SPATS2: variants seen among roughly 807,000 people sequenced by gnomAD.
SPATS2 encodes the protein spermatogenesis associated serine rich 2, also known as spermatogenesis-associated serine-rich protein 2.
A neutral mutation model predicts 63.7 loss-of-function variants in SPATS2; 38 were observed. The observed-to-expected ratio is 0.60, with a 90% CI of 0.46 to 0.78. SPATS2 has a LOEUF of 0.78. Among genes scored for constraint, SPATS2 ranks in the 30% least tolerant of loss-of-function variants. The pLI, the probability that SPATS2 is intolerant of heterozygous loss-of-function variation, is 0.00. For missense variants in SPATS2, 588 were observed against 666.2 expected (o/e 0.88, Z 1.29); for synonymous variants, 207 against 232.9 (o/e 0.89, Z 1.01).
chr12:49,372,109 G>A (rs886981935), intron 2 of SPATS2, among the ~76,000 whole-genome samples: 2 of 151,898 alleles, frequency 1.3e-5, no homozygotes, highest in Non-Finnish European at 2.9e-5. Flanking sequence ...GCAGTGGCAC[G>A]ATCTCAGTTC....
At chr12:49,440,028 A>G (rs1200829866) in intron 2 of SPATS2, among the ~76,000 whole-genome samples, 3 of 152,202 alleles carry the variant, frequency 2.0e-5, no homozygotes, top group Non-Finnish European at 4.4e-5. Context: ...ACTTACTGAA[A>G]AGTTACGAGA....
chr12:49,521,970 C>T (rs978180440), intron 11 of SPATS2, among the ~76,000 whole-genome samples: 1 of 151,236 alleles, frequency 6.6e-6, no homozygotes, highest in Non-Finnish European at 1.5e-5. Flanking sequence ...CTGAGGGGTT[C>T]AGTTCTTCCA....
chr12:49,463,768 C>A (rs1945862487), intron 3 of SPATS2: 1 of 152,192 alleles, frequency 6.6e-6, no homozygotes, highest in Admixed American at 6.5e-5. Context: ...TACAGGCTCT[C>A]ATTTTGTAAT....
intron 2 of SPATS2, among the ~76,000 whole-genome samples, chr12:49,438,661 A>T (rs1047044586): frequency 2.0e-5 from 3 of 152,196 alleles, no homozygotes; most frequent in Admixed American, 6.5e-5. Context: ...CATCTTGCCG[A>T]TGAGCAATAA....
intron 2 of SPATS2, among the ~76,000 whole-genome samples, chr12:49,395,678 A>G (rs796970433): frequency 3.3e-5 from 5 of 151,204 alleles, no homozygotes; most frequent in African/African-American, 1.2e-4. Flanking sequence ...CACCCGCCTC[A>G]GCCTCCCAAA....
intron 2 of SPATS2, among the ~76,000 whole-genome samples, chr12:49,402,974 T>C (rs756294297): frequency 6.6e-6 from 1 of 152,160 alleles, no homozygotes; most frequent in South Asian, 2.1e-4. Flanking sequence ...GTTTAAGATA[T>C]AGGGGATTTA....
chr12:49,376,440 A>T (rs1044685631), intron 2 of SPATS2, among the ~76,000 whole-genome samples: 2 of 151,582 alleles, frequency 1.3e-5, no homozygotes, highest in African/African-American at 4.8e-5. Context: ...TTCGTCGCTC[A>T]AGTTGGAGTG....
chr12:49,375,188 GTGTGT>G (rs780524699), intron 2 of SPATS2, among the ~76,000 whole-genome samples: 2,159 of 94,284 alleles, frequency 0.023, 53 homozygotes, highest in African/African-American at 0.083. Flanking sequence ...GTGTGTGTGT[GTGTGT>G]GTGGTGGTAG....
intron 2 of SPATS2, among the ~76,000 whole-genome samples, chr12:49,432,734 T>C (rs1378584473): frequency 6.6e-6 from 1 of 152,214 alleles, no homozygotes; most frequent in African/African-American, 2.4e-5. Flanking sequence ...GGTTCCTCCA[T>C]GTTGTAGCAT....
At chr12:49,483,743 C>G (rs1946244530) in intron 3 of SPATS2, among the ~76,000 whole-genome samples, 1 of 152,128 alleles carries the variant, frequency 6.6e-6, no homozygotes, top group African/African-American at 2.4e-5. Context: ...AAGCTACTTC[C>G]AAGTACAGTG....
Position 49,494,840 on chromosome 12 carries a change from C to T in SPATS2, c.364C>T (p.Pro122Ser). Residue 122 changes from proline to serine, a missense_variant, in exon 7 of 14, where the codon CCT becomes TCT. Coordinates refer to ENST00000552918, the MANE Select transcript of SPATS2 (RefSeq NM_023071.4). ...TTCCATTCAAGAGGAACAGTCTGCG[C>T]CTTCCTCAGAGAAAGGTGGTATGAA... The part of the protein sequence containing the change: ...SVSIQEEQSA[P>S]SSEKGGMNGY... The T allele has an allele frequency of 1.9e-6, 3 of 1,613,818 alleles. No homozygotes were observed. Among genetic ancestry groups the T allele is most frequent in the Non-Finnish European group, 2.5e-6 (3 of 1,179,982 alleles).
At chr12:49,492,377 C>T (rs1301916212) in intron 6 of SPATS2, among the ~76,000 whole-genome samples, 4 of 147,092 alleles carry the variant, frequency 2.7e-5, no homozygotes, top group African/African-American at 5.4e-5. Context: ...CGTGCCACTG[C>T]GCCTGGCTAA....
intron 2 of SPATS2, chr12:49,441,620 A>G (rs1274200066): frequency 6.6e-6 from 1 of 152,022 alleles, no homozygotes; most frequent in African/African-American, 2.4e-5. Context: ...CATAGTTGAG[A>G]TTTTATTGGT....
At position 49,371,223 on chromosome 12, in the gene SPATS2, C is replaced by G. The variant is rs1022488675; in HGVS notation, c.-306-5C>G. The G allele has an allele frequency of 2.6e-5, 4 of 152,188 alleles. No individual in the cohort carries two copies. The highest frequency in any genetic ancestry group is 9.7e-5 in the African/African-American group (4 of 41,430). The allele number at this position is 152,188 out of a possible 1,614,324, so 9.4% of individuals were successfully genotyped here. ...ATAATTCCTTGTTTCTCTTTCTCTA[C>G]CCAGCTGCTGGCTACCAATATTCTA... On this transcript the variant is annotated splice_region_variant and splice_polypyrimidine_tract_variant and intron_variant, in intron 1 of 13. Transcript: ENST00000552918.
intron 7 of SPATS2, among the ~76,000 whole-genome samples, chr12:49,495,970 A>T (rs1211811547): frequency 6.6e-6 from 1 of 152,046 alleles, no homozygotes; most frequent in African/African-American, 2.4e-5. Flanking sequence ...TTTGTTAACC[A>T]TTTTTTTGAG....
intron 2 of SPATS2, among the ~76,000 whole-genome samples, chr12:49,415,605 C>T (rs1014952974): frequency 6.6e-6 from 1 of 152,168 alleles, no homozygotes; most frequent in African/African-American, 2.4e-5. Context: ...CTGTTTTCCA[C>T]ATTACTGCAG....
At chr12:49,510,374 C>T (rs955145589) in intron 9 of SPATS2, among the ~76,000 whole-genome samples, 3 of 151,130 alleles carry the variant, frequency 2.0e-5, no homozygotes, top group African/African-American at 7.3e-5. Context: ...CCAGCCTGGG[C>T]AACATGGTGA....
intron 2 of SPATS2, among the ~76,000 whole-genome samples, chr12:49,385,357 A>AGTGT (rs57896651): frequency 0.062 from 8,768 of 141,970 alleles, 366 homozygotes; most frequent in African/African-American, 0.12. Flanking sequence ...TAAGTATATA[A>AGTGT]GTGTGTGTGT....
At chr12:49,408,748 G>T (rs1944742399) in intron 2 of SPATS2, among the ~76,000 whole-genome samples, 2 of 151,814 alleles carry the variant, frequency 1.3e-5, no homozygotes, top group Admixed American at 6.6e-5. Context: ...TAGAGACGGG[G>T]TATCGCCATG....
Sources: allele counts gnomAD v4.1 joint callset (sites outside exome capture counted in the v4.1 genomes callset), GRCh38; gene constraint gnomAD v4.1.1; transcripts MANE v1.5; gene names NCBI Gene and HGNC (gene_info 2026-07-23, HGNC 2026-07-21).